Variants in OSBPL8 observed in about 807,000 individuals in gnomAD.
OSBPL8 encodes the protein oxysterol binding protein like 8.
A neutral mutation model predicts 125.5 loss-of-function variants in OSBPL8; 59 were observed. The observed-to-expected ratio is 0.47, with a 90% CI of 0.38 to 0.58. The LOEUF (loss-of-function observed/expected upper bound fraction) is 0.58. OSBPL8 is among the 20% of genes least tolerant of loss of function. The probability of loss-of-function intolerance (pLI) is 0.00; values close to 1 mark genes in which losing one functional copy is unlikely to be tolerated. For missense variants in OSBPL8, 758 were observed against 1,047.8 expected (o/e 0.72, Z 3.82); for synonymous variants, 330 against 338.9 (o/e 0.97, Z 0.29).
At chr12:76,365,145 A>G (rs1952368239) in intron 21 of OSBPL8, among the ~76,000 whole-genome samples, 1 of 152,022 alleles carries the variant, frequency 6.6e-6, no homozygotes, top group Non-Finnish European at 1.5e-5. Context: ...TTGTAGAGAC[A>G]GAGTTTTGCC....
intron 4 of OSBPL8, among the ~76,000 whole-genome samples, chr12:76,418,221 T>A (rs185978074): frequency 3.5e-4 from 53 of 152,090 alleles, no homozygotes; most frequent in Middle Eastern, 3.4e-3. Context: ...GTCAGGCTGG[T>A]CTTGAACTCT....
intron 21 of OSBPL8, among the ~76,000 whole-genome samples, chr12:76,367,099 T>A (rs542311493): frequency 6.6e-6 from 1 of 152,208 alleles, no homozygotes; most frequent in Non-Finnish European, 1.5e-5. Flanking sequence ...TTCCTCCTTA[T>A]TGATCTTCTA....
At chr12:76,541,885 AAGT>A (rs1279121194) in intron 1 of OSBPL8, among the ~76,000 whole-genome samples, 1 of 150,576 alleles carries the variant, frequency 6.6e-6, no homozygotes, top group African/African-American at 2.4e-5. Flanking sequence ...AAATAAATAA[AAGT>A]AGGCCGGGTG....
intron 1 of OSBPL8, among the ~76,000 whole-genome samples, chr12:76,494,312 T>C (rs1350110599): frequency 6.6e-6 from 1 of 152,194 alleles, no homozygotes; most frequent in Middle Eastern, 3.2e-3. Flanking sequence ...CCCTACCCTA[T>C]GGCTACATTC....
At chr12:76,356,427 A>C (rs1182300397) in intron 23 of OSBPL8, among the ~76,000 whole-genome samples, 199 bp downstream of exon 23, 5 of 152,208 alleles carry the variant, frequency 3.3e-5, no homozygotes, top group Non-Finnish European at 7.3e-5. Flanking sequence ...GAGAAAAAAC[A>C]ACCTCTCCTT....
chr12:76,447,840 C>A (rs1312201057), intron 4 of OSBPL8, among the ~76,000 whole-genome samples: 1 of 152,202 alleles, frequency 6.6e-6, no homozygotes, highest in African/African-American at 2.4e-5. Context: ...AGCCACTGCA[C>A]CCGGTCAGCC....
intron 1 of OSBPL8, among the ~76,000 whole-genome samples, chr12:76,530,004 A>C (rs1950289519): frequency 6.6e-6 from 1 of 152,110 alleles, no homozygotes; most frequent in Non-Finnish European, 1.5e-5. Flanking sequence ...CATCCACAAA[A>C]GCCTCTATGA....
intron 1 of OSBPL8, among the ~76,000 whole-genome samples, chr12:76,553,378 A>C (rs1459435253): frequency 4.0e-5 from 6 of 150,638 alleles, no homozygotes; most frequent in Admixed American, 3.3e-4. Context: ...AATATCACTA[A>C]ATAGGCCTGG....
chr12:76,544,160 CA>C lies in OSBPL8; in HGVS notation c.-68+15236del, dbSNP rs1464634964. Among the ~76,000 whole-genome samples the C allele has an allele frequency of 1.4e-4, 22 of 152,296 alleles. No homozygotes were observed. In the East Asian group the frequency reaches 4.0e-3, roughly 28 times the overall value. On this transcript the variant is annotated intron_variant, in intron 1 of 23. Coordinates refer to ENST00000261183, the MANE Select transcript of OSBPL8 (RefSeq NM_020841.5). ...AGTTTCAAGTTGCCATCCCACAAAACAATTTTGGAACTCCTCTTTTCTAACC... is the reference window on the plus strand; with the variant it reads ...AGTTTCAAGTTGCCATCCCACAAAACATTTTGGAACTCCTCTTTTCTAACC...
chr12:76,366,620 G>A (rs747373379), intron 21 of OSBPL8: 4 of 441,896 alleles, frequency 9.1e-6, no homozygotes, highest in Admixed American at 2.5e-5. Flanking sequence ...AGTTTCTCAC[G>A]GAATGAAGTA....
intron 1 of OSBPL8, among the ~76,000 whole-genome samples, chr12:76,542,647 C>CT (rs1213714928): frequency 2.0e-5 from 3 of 152,172 alleles, no homozygotes; most frequent in Admixed American, 1.3e-4. Flanking sequence ...CACAGGTACT[C>CT]TAAACTGTCT....
At chr12:76,540,298 C>T (rs1368268638) in intron 1 of OSBPL8, among the ~76,000 whole-genome samples, 1 of 151,938 alleles carries the variant, frequency 6.6e-6, no homozygotes, top group Non-Finnish European at 1.5e-5. Flanking sequence ...GCCCAAGATC[C>T]CAGGGCAAGA....
chr12:76,505,544 G>C (rs1430328245), intron 1 of OSBPL8, among the ~76,000 whole-genome samples: 1 of 152,044 alleles, frequency 6.6e-6, no homozygotes, highest in Admixed American at 6.6e-5. Context: ...AAAATAGGAA[G>C]GAAGGAGTTG....
chr12:76,388,700 C>T (rs1331390370), intron 12 of OSBPL8, among the ~76,000 whole-genome samples: 5 of 152,092 alleles, frequency 3.3e-5, no homozygotes, highest in Non-Finnish European at 1.5e-5. Flanking sequence ...TCCAACTGCC[C>T]AGTAATTTCT....
At chr12:76,429,058 A>G (rs1030624118) in intron 4 of OSBPL8, among the ~76,000 whole-genome samples, 1 of 152,092 alleles carries the variant, frequency 6.6e-6, no homozygotes, top group African/African-American at 2.4e-5. Flanking sequence ...AAATTATACC[A>G]AGCAATCTTA....
intron 4 of OSBPL8, among the ~76,000 whole-genome samples, chr12:76,434,041 G>A (rs941467014): frequency 4.2e-5 from 6 of 144,322 alleles, no homozygotes; most frequent in African/African-American, 1.5e-4. Context: ...AATAGCTAAA[G>A]AAATCTTGAT....
chr12:76,423,367 G>A (rs1435561866), intron 4 of OSBPL8: 8 of 152,138 alleles, frequency 5.3e-5, no homozygotes, highest in Admixed American at 3.3e-4. Context: ...AGATTAAAAC[G>A]ACACCATAAT....
At chr12:76,488,651 C>T (rs960351785) in intron 1 of OSBPL8, among the ~76,000 whole-genome samples, 2 of 152,130 alleles carry the variant, frequency 1.3e-5, no homozygotes, top group African/African-American at 2.4e-5. Context: ...AAACTGCAGC[C>T]ATATAAAACA....
chr12:76,440,740 C>T (rs2136656821), intron 4 of OSBPL8, among the ~76,000 whole-genome samples: 1 of 152,244 alleles, frequency 6.6e-6, no homozygotes, highest in South Asian at 2.1e-4. Context: ...TTCAGGACCT[C>T]TAATTTTATG....
Sources: allele counts gnomAD v4.1 joint callset (sites outside exome capture counted in the v4.1 genomes callset), GRCh38; gene constraint gnomAD v4.1.1; transcripts MANE v1.5; gene names NCBI Gene and HGNC (gene_info 2026-07-23, HGNC 2026-07-21).